Variants in PPP3CA observed in about 807,000 individuals in gnomAD.
The protein encoded by PPP3CA is CAM-PRP catalytic subunit.
PPP3CA carries 14 observed loss-of-function variants against 66.5 expected under a neutral mutation model. The observed-to-expected ratio is 0.21, with a 90% CI of 0.14 to 0.33. PPP3CA has a LOEUF of 0.33. PPP3CA is among the 10% of genes least tolerant of loss of function. The pLI is 1.00. For missense variants in PPP3CA, 317 were observed against 639.5 expected (o/e 0.50, Z 5.44); for synonymous variants, 232 against 226.2 (o/e 1.03, Z -0.23).
intron 2 of PPP3CA, among the ~76,000 whole-genome samples, chr4:101,120,803 T>C (rs1205192781): frequency 6.6e-6 from 1 of 152,084 alleles, no homozygotes; most frequent in African/African-American, 2.4e-5. Flanking sequence ...TTTACCTCTA[T>C]AAAACAAATA....
intron 2 of PPP3CA, among the ~76,000 whole-genome samples, chr4:101,129,316 C>A (rs945718264): frequency 6.6e-6 from 1 of 152,152 alleles, no homozygotes; most frequent in Non-Finnish European, 1.5e-5. Flanking sequence ...GCTGTGGGCA[C>A]AGCTTCAGTA....
chr4:101,181,119 T>C (rs1724222922), intron 2 of PPP3CA, among the ~76,000 whole-genome samples: 1 of 152,078 alleles, frequency 6.6e-6, no homozygotes, highest in Non-Finnish European at 1.5e-5. Context: ...TATTTAAGAA[T>C]GTTAAAATAA....
rs370021459 is a variant in PPP3CA, at chr4:101,278,476, C to A, written c.58+68263G>T. On this transcript the variant is annotated intron_variant, in intron 1 of 13. Coordinates refer to ENST00000394854, the MANE Select transcript of PPP3CA (RefSeq NM_000944.5). ...CTTAGAAATAGCTGCTGCTCAGAAA[C>A]AGACCTCTCCATATTGAACTTGGAG... Among the ~76,000 whole-genome samples the A allele has an allele frequency of 3.3e-5, 5 of 152,280 alleles. No individual in the cohort carries two copies. The South Asian group carries it at 1.0e-3, about 32-fold the overall frequency.
At chr4:101,253,682 TTAACATATTTTGA>T in intron 1 of PPP3CA, among the ~76,000 whole-genome samples, 1 of 152,130 alleles carries the variant, frequency 6.6e-6, no homozygotes, top group Non-Finnish European at 1.5e-5. Context: ...TCTGATTAAA[TTAACATATTTTGA>T]TAGATTATGA....
chr4:101,033,904 C>T (rs1248101216), intron 11 of PPP3CA, among the ~76,000 whole-genome samples: 2 of 152,158 alleles, frequency 1.3e-5, no homozygotes, highest in African/African-American at 4.8e-5. Flanking sequence ...TTCTTTTGCT[C>T]ACCACCAGCA....
intron 1 of PPP3CA, among the ~76,000 whole-genome samples, chr4:101,233,733 C>CT (rs56208114): frequency 3.3e-5 from 5 of 149,590 alleles, no homozygotes; most frequent in South Asian, 2.1e-4. Context: ...ATTTACAGGT[C>CT]TTTTTTTTTT....
intron 10 of PPP3CA, among the ~76,000 whole-genome samples, chr4:101,053,257 T>C (rs1020854041): frequency 2.0e-5 from 3 of 152,268 alleles, no homozygotes; most frequent in African/African-American, 7.2e-5. Context: ...AATTTTGCTA[T>C]TCATCTCTTT....
chr4:101,032,410 T>A (rs755777841), intron 11 of PPP3CA, 46 bp from the exon 12 acceptor site: 35 of 1,497,636 alleles, frequency 2.3e-5, no homozygotes, highest in Non-Finnish European at 3.2e-5. Flanking sequence ...ATTTCTTTTG[T>A]GAAAAAGAAA....
rs1411992353 is a variant in PPP3CA at position 101,196,033 on chromosome 4, C to A, written c.142G>T (p.Ala48Ser). The change falls in exon 2 of 14, where the codon GCG becomes TCG. Residue 48 changes from alanine (A) to serine (S), a missense_variant. By Grantham distance (99) the Ala-to-Ser change is moderately conservative (BLOSUM62 1). Transcript: ENST00000394854. ...DGKPRVDILKAHLMKEGRLEE... is the reference protein window; with the variant it reads ...DGKPRVDILKSHLMKEGRLEE... ...AGCCTTCCCTCCTTCATAAGATGCG[C>A]CTTTAAGATATCCACACGAGGTTTT... The A allele has an allele frequency of 3.1e-6, 5 of 1,613,866 alleles. No individual in the cohort carries two copies. Among genetic ancestry groups the A allele is most frequent in the African/African-American group, 2.7e-5 (2 of 74,880 alleles).
intron 5 of PPP3CA, among the ~76,000 whole-genome samples, chr4:101,094,252 TTATC>T (rs1347677468): frequency 6.6e-6 from 1 of 151,420 alleles, no homozygotes; most frequent in Non-Finnish European, 1.5e-5. Context: ...CTTACTTACT[TTATC>T]TATCCAAATG....
At chr4:101,131,277 T>TAAAAAAAA (rs1553927202) in intron 2 of PPP3CA, among the ~76,000 whole-genome samples, 39 of 140,318 alleles carry the variant, frequency 2.8e-4, no homozygotes, top group African/African-American at 1.0e-3. Context: ...AATAAATAAA[T>TAAAAAAAA]AAAATAAAAA....
chr4:101,163,722 AG>A (rs1208446526), intron 2 of PPP3CA, among the ~76,000 whole-genome samples: 1 of 152,152 alleles, frequency 6.6e-6, no homozygotes, highest in Non-Finnish European at 1.5e-5. Context: ...CATATATGAT[AG>A]GTACACCATG....
chr4:101,211,044 T>G (rs917416243), intron 1 of PPP3CA, among the ~76,000 whole-genome samples: 4 of 152,220 alleles, frequency 2.6e-5, no homozygotes, highest in African/African-American at 4.8e-5. Flanking sequence ...GCAGATTTAC[T>G]TCACTGAATT....
intron 1 of PPP3CA, among the ~76,000 whole-genome samples, chr4:101,263,961 T>G (rs555953209): frequency 3.3e-5 from 5 of 152,258 alleles, no homozygotes; most frequent in Admixed American, 3.3e-4. Flanking sequence ...GAGAAGATGG[T>G]AAAAAGGGTG....
At chr4:101,340,326 A>G (rs1454883357) in intron 1 of PPP3CA, among the ~76,000 whole-genome samples, 1 of 152,186 alleles carries the variant, frequency 6.6e-6, no homozygotes, top group East Asian at 1.9e-4. Flanking sequence ...GCAAAGTTCT[A>G]TTCCTCTCTA....
At chr4:101,237,431 G>GA (rs60540659) in intron 1 of PPP3CA, among the ~76,000 whole-genome samples, 2 of 151,950 alleles carry the variant, frequency 1.3e-5, no homozygotes, top group South Asian at 4.1e-4. Flanking sequence ...AAAGTAGCAT[G>GA]AAAAATATTA....
intron 1 of PPP3CA, among the ~76,000 whole-genome samples, chr4:101,246,856 A>C (rs1726497756): frequency 6.6e-6 from 1 of 152,140 alleles, no homozygotes; most frequent in Non-Finnish European, 1.5e-5. Flanking sequence ...AGGTGAAAAA[A>C]ACTCATTCTG....
At chr4:101,197,474 A>G (rs576621448) in intron 1 of PPP3CA, among the ~76,000 whole-genome samples, 20 of 152,306 alleles carry the variant, frequency 1.3e-4, no homozygotes, top group African/African-American at 4.6e-4. Context: ...GTGGTCAGAC[A>G]AACCTGGGTG....
intron 6 of PPP3CA, among the ~76,000 whole-genome samples, chr4:101,087,833 T>C (rs1008789955): frequency 9.2e-5 from 14 of 152,122 alleles, no homozygotes; most frequent in Non-Finnish European, 2.1e-4. Flanking sequence ...CTTGGTAATA[T>C]GAATGTTCAG....
Sources: gnomAD v4.1 joint callset for allele counts (sites outside exome capture counted in the v4.1 genomes callset) on GRCh38, gnomAD v4.1.1 for gene constraint, MANE v1.5 for transcripts, NCBI Gene and HGNC (gene_info 2026-07-23, HGNC 2026-07-21) for gene names.